SFXN2: variants seen among roughly 807,000 people sequenced by gnomAD.
SFXN2 encodes the protein sideroflexin 2, also known as sideroflexin-2.
A neutral mutation model predicts 41.9 loss-of-function variants in SFXN2; 37 were observed. That is an observed-to-expected ratio of 0.88 (90% confidence interval 0.68 to 1.16). The LOEUF (loss-of-function observed/expected upper bound fraction) is 1.16. Among genes scored for constraint, SFXN2 ranks in the 50% most tolerant of loss-of-function variants. The pLI is 0.00. For synonymous variants in SFXN2, 150 were observed against 156.7 expected, an observed-to-expected ratio of 0.96 and a Z score of 0.32; for missense variants, 386 against 425.2, an observed-to-expected ratio of 0.91 and a Z score of 0.81.
At chr10:102,717,530 G>A (rs1205298373) in intron 1 of SFXN2, among the ~76,000 whole-genome samples, 2 of 152,158 alleles carry the variant, frequency 1.3e-5, no homozygotes, top group African/African-American at 4.8e-5. Context: ...TACAGAAGTG[G>A]GGCTACCCTG....
In SFXN2 at chr10:102,738,182, T is replaced by G. The variant is rs2064805844; in HGVS notation, c.*420T>G. On this transcript the variant is annotated 3_prime_UTR_variant, in exon 12 of 12. Transcript: ENST00000369893. ...TCCTCCTCTCCCAAGCAATGGAAAC[T>G]TTTACCCATGTAATTCTAGCTGAAC... is the stretch of plus-strand genomic sequence containing the variant. The G allele has an allele frequency of 6.5e-6, 1 of 152,854 alleles. No homozygotes were observed. Among genetic ancestry groups the G allele is most frequent in the African/African-American group, 2.4e-5 (1 of 41,448 alleles). 9.5% of individuals were successfully genotyped at this position (152,854 alleles called of 1,614,324 possible).
chr10:102,735,759 G>A, intron 10 of SFXN2, 103 bp from the exon 11 acceptor site: 1 of 1,179,126 alleles, frequency 8.5e-7, no homozygotes, highest in Non-Finnish European at 1.3e-6. Context: ...CAGCTGGGAA[G>A]GCAGGCCAGG....
At chr10:102,732,548 A>T (rs1174951560) in intron 8 of SFXN2, among the ~76,000 whole-genome samples, 1 of 152,138 alleles carries the variant, frequency 6.6e-6, no homozygotes, top group Non-Finnish European at 1.5e-5. Flanking sequence ...TGTATTGCAA[A>T]ATTTGTTTGC....
At chr10:102,719,776 A>G (rs998240267) in intron 1 of SFXN2, among the ~76,000 whole-genome samples, 1 of 152,228 alleles carries the variant, frequency 6.6e-6, no homozygotes, top group African/African-American at 2.4e-5. Flanking sequence ...AAATGAACAT[A>G]CCACCTCACT....
Position 102,717,224 on chromosome 10 carries a change from C to T in SFXN2, c.-26+2543C>T, listed in dbSNP as rs569810215. On this transcript the variant is annotated intron_variant, in intron 1 of 11. Coordinates refer to ENST00000369893, the MANE Select transcript of SFXN2 (RefSeq NM_178858.6). ...TTGGCTCACTACAACCTCCGCCTCC[C>T]GGGTTCAAGCGATCCTCCTTCCTCA... 1.1e-3 allele frequency among the ~76,000 whole-genome samples: 167 copies of T among 150,786 alleles called. 3 individuals are homozygous for T. The South Asian group carries it at 0.033, about 30-fold the overall frequency.
chr10:102,726,725 T>A lies in SFXN2; in HGVS notation c.89T>A (p.Ile30Asn). The A allele has an allele frequency of 6.2e-7, 1 of 1,614,110 alleles. No homozygotes were observed. The highest frequency in any genetic ancestry group is 1.3e-5 in the African/African-American group (1 of 75,006). The change falls in exon 2 of 12, where the codon ATC becomes AAC. Residue 30 changes from isoleucine (I) to asparagine (N), a missense_variant. Ile to Asn is a moderately radical substitution (Grantham distance 149, BLOSUM62 -3). Coordinates refer to ENST00000369893, the MANE Select transcript of SFXN2 (RefSeq NM_178858.6). ...GGGAGAGTGAAGCACTTCCTAAACATCACGGACCCCCGCACTGTCTTTGTA... is the reference window on the plus strand; with the variant it reads ...GGGAGAGTGAAGCACTTCCTAAACAACACGGACCCCCGCACTGTCTTTGTA... Reference protein sequence around the residue: ...FLGRVKHFLNITDPRTVFVSE... With the variant: ...FLGRVKHFLNNTDPRTVFVSE...
rs904938610 is a variant in SFXN2 at position 102,739,100 on chromosome 10, G to A, written c.*1338G>A. The A allele has an allele frequency of 6.6e-6, 1 of 152,304 alleles. No individual in the cohort carries two copies. The highest frequency in any genetic ancestry group is 1.5e-5 in the Non-Finnish European group (1 of 68,050). 9.4% of individuals were successfully genotyped at this position (152,304 alleles called of 1,614,324 possible). A position where few individuals can be genotyped will look rare whatever the true frequency, so the allele number is the denominator to read the frequency against. Reference sequence around the variant, plus strand: ...TCATCTGGAATCAATGTGTGTATGAGTTTTGTCTGGTAGGATTGCTGACTC... The same window carrying A: ...TCATCTGGAATCAATGTGTGTATGAATTTTGTCTGGTAGGATTGCTGACTC... On this transcript the variant is annotated 3_prime_UTR_variant, in exon 12 of 12. Coordinates refer to ENST00000369893, the MANE Select transcript of SFXN2 (RefSeq NM_178858.6).
intron 2 of SFXN2, 74 bp downstream of exon 2, chr10:102,726,871 G>C: frequency 6.3e-7 from 1 of 1,592,090 alleles, no homozygotes; most frequent in Non-Finnish European, 8.6e-7. Flanking sequence ...GGTGGAAACC[G>C]AAGGTGAAGG....
At chr10:102,735,637 G>A (rs2064766420) in intron 10 of SFXN2, among the ~76,000 whole-genome samples, 1 of 152,176 alleles carries the variant, frequency 6.6e-6, no homozygotes, top group South Asian at 2.1e-4. Context: ...AATGCAGTAA[G>A]GGTGGGAATG....
chr10:102,731,776 A>G lies in SFXN2; in HGVS notation c.647A>G (p.His216Arg). 6.2e-7 allele frequency: 1 copy of G among 1,613,950 alleles called. No individual in the cohort carries two copies. The highest frequency in any genetic ancestry group is 1.1e-5 in the South Asian group (1 of 91,044). Residue 216 changes from histidine (H) to arginine (R), a missense_variant, in exon 7 of 12, where the codon CAT (histidine) becomes CGT (arginine). Physicochemically the swap from His to Arg is conservative, Grantham distance 29 (BLOSUM62 0). Transcript: ENST00000369893. Reference sequence around the variant, plus strand: ...GACAGGAATGAAAATGAGATTGGTCATTCCCGGGTGAGCAGAGGCCTCCCT... The same window carrying G: ...GACAGGAATGAAAATGAGATTGGTCGTTCCCGGGTGAGCAGAGGCCTCCCT... The part of the protein sequence containing the change: ...VKDRNENEIG[H>R]SRRAAAIGIT...
Position 102,720,784 on chromosome 10 carries a change from A to G in SFXN2, c.-25-5828A>G, listed in dbSNP as rs573036705. Among the ~76,000 whole-genome samples the G allele has an allele frequency of 3.3e-5, 5 of 152,262 alleles. No homozygotes were observed. The South Asian group carries it at 8.3e-4, about 25-fold the overall frequency. ...TATTTGTCATGTGTCAACTTGGCTAAGCTAAGCAAGACTCCCGGGATTCCC... is the reference window on the plus strand; with the variant it reads ...TATTTGTCATGTGTCAACTTGGCTAGGCTAAGCAAGACTCCCGGGATTCCC... On this transcript the variant is annotated intron_variant, in intron 1 of 11. Transcript: ENST00000369893.
intron 1 of SFXN2, among the ~76,000 whole-genome samples, chr10:102,721,598 TA>T (rs893140491): frequency 3.4e-4 from 50 of 147,534 alleles, no homozygotes; most frequent in African/African-American, 1.2e-3. Flanking sequence ...TCTATAAATT[TA>T]AAAAATTATA....
chr10:102,729,768 G>T lies in SFXN2; in HGVS notation c.553G>T (p.Ala185Ser), dbSNP rs1255749789. The change falls in exon 6 of 12, where the codon GCT becomes TCT. Residue 185 changes from alanine to serine, a missense_variant. Transcript: ENST00000369893. ...VGRWVPFAAV[A>S]AANCVNIPMM... is the part of the protein sequence containing the mutation. ...CCGCTGGGTGCCCTTTGCCGCTGTGGCTGCGGCTAACTGTGTCAATATCCC... is the reference window on the plus strand; with the variant it reads ...CCGCTGGGTGCCCTTTGCCGCTGTGTCTGCGGCTAACTGTGTCAATATCCC... 6.2e-7 allele frequency: 1 copy of T among 1,613,948 alleles called. No homozygotes were observed. The highest frequency in any genetic ancestry group is 1.3e-5 in the African/African-American group (1 of 74,928).
chr10:102,732,823 C>T, intron 8 of SFXN2, 36 bp from the exon 9 acceptor site: 1 of 1,610,024 alleles, frequency 6.2e-7, no homozygotes, highest in East Asian at 2.2e-5. Context: ...GAGAGCCTCC[C>T]AGCCCTCCCC....
rs1842771779 is a variant in SFXN2, at chr10:102,740,587, T to C, written c.*2825T>C. The C allele has an allele frequency of 6.6e-6, 1 of 152,250 alleles. No individual in the cohort carries two copies. The highest frequency in any genetic ancestry group is 2.4e-5 in the African/African-American group (1 of 41,464). The allele number at this position is 152,250 out of a possible 1,614,324, so 9.4% of individuals were successfully genotyped here. ...ATTGGCAGTCACTCCACATTCTCCC[T>C]ACCTGCCAGCGCCTCACAATTCACT... On this transcript the variant is annotated 3_prime_UTR_variant, in exon 12 of 12. Coordinates refer to ENST00000369893, the MANE Select transcript of SFXN2 (RefSeq NM_178858.6).
In SFXN2 at chr10:102,741,455, GGAA is replaced by G. The variant is rs370885252; in HGVS notation, c.*3702_*3704del. 49 of 152,384 alleles carry G rather than the reference GGAA, an allele frequency of 3.2e-4. No homozygotes were observed. Among genetic ancestry groups the G allele is most frequent in the African/African-American group, 1.1e-3 (45 of 41,570 alleles). 9.4% of individuals were successfully genotyped at this position (152,384 alleles called of 1,614,324 possible). ...CATTGCTCGGGAGAGGAGGAGGAAGGGAAGAAGAAGAGGTATAGAAGCTTCCTT... is the reference window on the plus strand; with the variant it reads ...CATTGCTCGGGAGAGGAGGAGGAAGGGAAGAAGAGGTATAGAAGCTTCCTT... On this transcript the variant is annotated 3_prime_UTR_variant, in exon 12 of 12. Coordinates refer to ENST00000369893, the MANE Select transcript of SFXN2 (RefSeq NM_178858.6).
At chr10:102,735,560 C>T (rs1372374897) in intron 10 of SFXN2, among the ~76,000 whole-genome samples, 1 of 152,168 alleles carries the variant, frequency 6.6e-6, no homozygotes, top group East Asian at 1.9e-4. Flanking sequence ...GCCAGCAGTG[C>T]CTGTGCTCCT....
chr10:102,736,423 A>ATTTT (rs35797507), intron 11 of SFXN2, among the ~76,000 whole-genome samples: 3 of 124,782 alleles, frequency 2.4e-5, no homozygotes, highest in Admixed American at 8.1e-5. Context: ...TGCCCAGCTC[A>ATTTT]TTTTTTTTTT....
At position 102,741,936 on chromosome 10, in the gene SFXN2, T is replaced by C. The variant is rs931679439; in HGVS notation, c.*4174T>C. ...AGTACTTGGAAAAGCAGGATCAAGATAAAGGCAGAACTATGGACTTTCTTA... is the reference window on the plus strand; with the variant it reads ...AGTACTTGGAAAAGCAGGATCAAGACAAAGGCAGAACTATGGACTTTCTTA... On this transcript the variant is annotated 3_prime_UTR_variant, in exon 12 of 12. Coordinates refer to ENST00000369893, the MANE Select transcript of SFXN2 (RefSeq NM_178858.6). 2 of 152,236 alleles carry C rather than the reference T, an allele frequency of 1.3e-5. No homozygotes were observed. Among genetic ancestry groups the C allele is most frequent in the Non-Finnish European group, 2.9e-5 (2 of 68,056 alleles). The allele number at this position is 152,236 out of a possible 1,614,324, so 9.4% of individuals were successfully genotyped here.
Sources: allele counts gnomAD v4.1 joint callset (sites outside exome capture counted in the v4.1 genomes callset), GRCh38; gene constraint gnomAD v4.1.1; transcripts MANE v1.5; gene names NCBI Gene and HGNC (gene_info 2026-07-23, HGNC 2026-07-21).